The following TEKT5 variants were observed in gnomAD, a reference collection of about 807,000 sequenced individuals.
The protein encoded by TEKT5 is tektin 5, also known as tektin-5.
In TEKT5, 52 loss-of-function variants were observed where a neutral mutation model predicts 48.7. The observed-to-expected ratio is 1.07, with a 90% CI of 0.86 to 1.35. The LOEUF (loss-of-function observed/expected upper bound fraction) is 1.35, where lower values mean the gene tolerates loss of function less well. TEKT5 is among the 40% of genes most tolerant of loss of function. The probability of loss-of-function intolerance (pLI) is 0.00; values close to 1 mark genes in which losing one functional copy is unlikely to be tolerated. For missense variants in TEKT5, 831 were observed against 641.6 expected (o/e 1.30, Z -3.19); for synonymous variants, 318 against 267.6 (o/e 1.19, Z -1.84).
At chr16:10,630,513 T>G (rs1897824098) in intron 6 of TEKT5, among the ~76,000 whole-genome samples, 1 of 152,206 alleles carries the variant, frequency 6.6e-6, no homozygotes, top group South Asian at 2.1e-4. Flanking sequence ...GAGAGGACTT[T>G]GAGCAGAGAA....
At chr16:10,676,299 G>A (rs74785801) in intron 4 of TEKT5, 118 bp from the exon 5 acceptor site, 1,196 of 980,762 alleles carry the variant, frequency 1.2e-3, no homozygotes, top group Non-Finnish European at 1.7e-3. Flanking sequence ...TGCATTGTAG[G>A]GTGCTTGGGA....
intron 4 of TEKT5, 97 bp downstream of exon 4, chr16:10,681,896 C>T: frequency 6.7e-7 from 1 of 1,484,434 alleles, no homozygotes; most frequent in Non-Finnish European, 9.2e-7. Context: ...TCCCACTTAA[C>T]TGGTGCACGA....
chr16:10,663,262 T>C (rs186148459), intron 5 of TEKT5, among the ~76,000 whole-genome samples: 10 of 152,338 alleles, frequency 6.6e-5, no homozygotes, highest in Admixed American at 5.9e-4. Context: ...TTGTTCACCA[T>C]GTAAAACTAT....
chr16:10,687,377 G>C (rs1039356950), intron 3 of TEKT5, among the ~76,000 whole-genome samples: 1 of 152,168 alleles, frequency 6.6e-6, no homozygotes, highest in Admixed American at 6.5e-5. Flanking sequence ...AAAAAAATAA[G>C]TGTAAGAAAA....
chr16:10,673,697 C>T (rs1272098691), intron 5 of TEKT5, among the ~76,000 whole-genome samples: 3 of 146,390 alleles, frequency 2.0e-5, no homozygotes, highest in African/African-American at 7.7e-5. Flanking sequence ...GTCTCCCACG[C>T]TGGAGTGCAG....
chr16:10,666,978 CTTTT>C (rs201657619), intron 5 of TEKT5, among the ~76,000 whole-genome samples: 6 of 124,678 alleles, frequency 4.8e-5, no homozygotes, highest in South Asian at 5.4e-4. Flanking sequence ...TGGCTCCTTA[CTTTT>C]TTTTTTTTTT....
Position 10,627,577 on chromosome 16 carries a change from C to A in TEKT5, c.*6G>T. 1 of 1,613,898 alleles carries A rather than the reference C, an allele frequency of 6.2e-7. No homozygotes were observed. The highest frequency in any genetic ancestry group is 2.2e-5 in the East Asian group (1 of 44,882). On this transcript the variant is annotated 3_prime_UTR_variant, in exon 7 of 7. Coordinates refer to ENST00000283025, the MANE Select transcript of TEKT5 (RefSeq NM_144674.2). ...GCCAGCGCGGAATGAGGCGCCAGGG[C>A]GGTGCTCAGGTGTGGCCCACCAGGC...
intron 4 of TEKT5, among the ~76,000 whole-genome samples, chr16:10,680,808 A>G (rs369750544): frequency 3.2e-4 from 43 of 132,724 alleles, no homozygotes; most frequent in African/African-American, 1.1e-3. Flanking sequence ...GAACTGAACA[A>G]TGAGAACACA....
At position 10,647,157 on chromosome 16, in the gene TEKT5, G is replaced by C. The variant is rs570175756; in HGVS notation, c.1087-11239C>G. 3.9e-5 allele frequency among the ~76,000 whole-genome samples: 6 copies of C among 152,180 alleles called. No individual in the cohort carries two copies. In the South Asian group the frequency reaches 1.0e-3, roughly 26 times the overall value. On this transcript the variant is annotated intron_variant, in intron 5 of 6. Transcript: ENST00000283025. ...GCTGGGGTGGACGGGACATTACTGA[G>C]GGTTCAGCGGGTGATAAGAAGCTGC...
At chr16:10,652,451 AACACACACACACACACACACACAC>A (rs572277672) in intron 5 of TEKT5, among the ~76,000 whole-genome samples, 1 of 66,774 alleles carries the variant, frequency 1.5e-5, no homozygotes, top group East Asian at 4.6e-4. Context: ...TACACAGGCA[AACACACACACACACACACACACAC>A]ACACACACAC....
chr16:10,663,834 T>G (rs1898414874), intron 5 of TEKT5, among the ~76,000 whole-genome samples: 1 of 152,208 alleles, frequency 6.6e-6, no homozygotes, highest in Admixed American at 6.5e-5. Flanking sequence ...AAATTCACCC[T>G]GGTTGGGAAC....
At chr16:10,667,579 G>C (rs913170914) in intron 5 of TEKT5, among the ~76,000 whole-genome samples, 20 of 152,130 alleles carry the variant, frequency 1.3e-4, no homozygotes, top group African/African-American at 4.8e-4. Flanking sequence ...GGTTCAGGGG[G>C]CTGCCCAATT....
Position 10,627,675 on chromosome 16 carries a change from T to C in TEKT5, c.1366A>G (p.Ile456Val), listed in dbSNP as rs761983888. Residue 456 changes from isoleucine (I) to valine (V), a missense_variant, in exon 7 of 7, where the codon ATC becomes GTC. Coordinates refer to ENST00000283025, the MANE Select transcript of TEKT5 (RefSeq NM_144674.2). Reference sequence around the variant, plus strand: ...TCGATGCAGAGGGTGTTGGCCTTGATGGCGAGCTCGTGCTCCAGCCGGCAC... The same window carrying C: ...TCGATGCAGAGGGTGTTGGCCTTGACGGCGAGCTCGTGCTCCAGCCGGCAC... ...TKCRLEHELA[I>V]KANTLCIDKE... is the part of the protein sequence containing the mutation. 5 of 1,614,178 alleles carry C rather than the reference T, an allele frequency of 3.1e-6. No homozygotes were observed. In the South Asian group the frequency reaches 3.3e-5, roughly 11 times the overall value.
At chr16:10,671,836 C>T (rs1029685737) in intron 5 of TEKT5, 5 of 152,198 alleles carry the variant, frequency 3.3e-5, no homozygotes, top group African/African-American at 1.2e-4. Flanking sequence ...ACCACCAGGT[C>T]TCAAGAGACT....
intron 5 of TEKT5, among the ~76,000 whole-genome samples, chr16:10,636,474 G>C (rs911802328): frequency 6.6e-6 from 1 of 152,016 alleles, no homozygotes; most frequent in Non-Finnish European, 1.5e-5. Context: ...TATCATGGTT[G>C]GTTTTGTTCT....
intron 5 of TEKT5, among the ~76,000 whole-genome samples, chr16:10,646,134 CA>C (rs771452656): frequency 0.013 from 1,762 of 135,596 alleles, 21 homozygotes; most frequent in African/African-American, 0.033. Flanking sequence ...GACTCTGTCT[CA>C]AAAAAAAAAA....
intron 5 of TEKT5, among the ~76,000 whole-genome samples, chr16:10,668,991 C>G (rs1898508031): frequency 6.6e-6 from 1 of 152,162 alleles, no homozygotes; most frequent in Non-Finnish European, 1.5e-5. Flanking sequence ...AACATGAGCT[C>G]TGAATTGCTA....
intron 3 of TEKT5, among the ~76,000 whole-genome samples, chr16:10,686,781 T>G (rs1948500946): frequency 6.6e-6 from 1 of 152,128 alleles, no homozygotes; most frequent in South Asian, 2.1e-4. Flanking sequence ...AGTTTTAAAA[T>G]GGACAAAGTT....
At chr16:10,645,565 G>C (rs1898057318) in intron 5 of TEKT5, among the ~76,000 whole-genome samples, 1 of 152,148 alleles carries the variant, frequency 6.6e-6, no homozygotes. Flanking sequence ...CACTTTGGGA[G>C]GCCAAAGCAG....
Sources: gnomAD v4.1 joint callset for allele counts (sites outside exome capture counted in the v4.1 genomes callset) on GRCh38, gnomAD v4.1.1 for gene constraint, MANE v1.5 for transcripts, NCBI Gene and HGNC (gene_info 2026-07-23, HGNC 2026-07-21) for gene names.